The following MAP4 variants were observed in gnomAD, a reference collection of about 807,000 sequenced individuals.
The protein encoded by MAP4 is microtubule associated protein 4, also known as microtubule-associated protein 4.
A neutral mutation model predicts 170.2 loss-of-function variants in MAP4; 76 were observed. The observed-to-expected ratio is 0.45, with a 90% CI of 0.37 to 0.54. The LOEUF is 0.54. MAP4 is among the 20% of genes least tolerant of loss of function. The pLI, the probability that MAP4 is intolerant of heterozygous loss-of-function variation, is 0.00. For missense variants in MAP4, 2,506 were observed against 2,748.0 expected (o/e 0.91, Z 1.97); for synonymous variants, 909 against 994.5 (o/e 0.91, Z 1.62).
chr3:47,854,569 G>A (rs2051115625), intron 19 of MAP4, among the ~76,000 whole-genome samples: 1 of 152,236 alleles, frequency 6.6e-6, no homozygotes, highest in Non-Finnish European at 1.5e-5. Context: ...ACCCACGGAT[G>A]ACATGGAACA....
intron 1 of MAP4, among the ~76,000 whole-genome samples, chr3:48,002,943 C>T (rs576804641): frequency 6.9e-4 from 95 of 136,872 alleles, no homozygotes; most frequent in African/African-American, 2.4e-3. Flanking sequence ...TGGCTGTTAA[C>T]ATTAAGGCCA....
intron 3 of MAP4, among the ~76,000 whole-genome samples, chr3:47,947,789 C>A (rs1215108238): frequency 3.9e-5 from 5 of 129,188 alleles, no homozygotes; most frequent in Non-Finnish European, 1.6e-5. Context: ...CCAGCCTGGG[C>A]GACAGAGAGA....
chr3:47,983,468 C>A (rs2100086617), intron 2 of MAP4, among the ~76,000 whole-genome samples: 1 of 152,160 alleles, frequency 6.6e-6, no homozygotes, highest in African/African-American at 2.4e-5. Flanking sequence ...CTCACTGCAA[C>A]CTCTGCCTCC....
intron 3 of MAP4, chr3:47,961,131 C>T (rs1314070470): frequency 6.5e-6 from 1 of 152,922 alleles, no homozygotes; most frequent in East Asian, 1.9e-4. Context: ...ACTCCTCTTC[C>T]CTCAGAACTC....
intron 13 of MAP4, 118 bp from the exon 14 acceptor site, chr3:47,871,404 CTGTGT>C: frequency 4.7e-6 from 4 of 848,902 alleles, no homozygotes; most frequent in Non-Finnish European, 7.8e-6. Flanking sequence ...GAGCCAGGGA[CTGTGT>C]TAGTCCCTGG....
chr3:48,018,641 A>G (rs1392270369), upstream of MAP4, among the ~76,000 whole-genome samples: 1 of 151,870 alleles, frequency 6.6e-6, no homozygotes, highest in Non-Finnish European at 1.5e-5. Context: ...CCTCTCTACT[A>G]AAAATACAAA....
At chr3:47,999,598 A>G (rs2100098058) in intron 1 of MAP4, among the ~76,000 whole-genome samples, 1 of 152,226 alleles carries the variant, frequency 6.6e-6, no homozygotes, top group African/African-American at 2.4e-5. Context: ...AAACTGACGC[A>G]GGAACAGAAA....
rs191185268 is a variant in MAP4, at chr3:47,874,433, C to T, written c.5757+1252G>A. Among the ~76,000 whole-genome samples, 201 of 152,232 alleles carry T rather than the reference C, an allele frequency of 1.3e-3. 1 individual carries two copies. Among genetic ancestry groups the T allele is most frequent in the African/African-American group, 4.6e-3 (189 of 41,516 alleles). The stretch of plus-strand genomic sequence containing the variant: ...GCAATGAGCCCAGATTGTGCCACTG[C>T]ACTCCAGCCTGGGTGACAGAGCGAG... On this transcript the variant is annotated intron_variant, in intron 12 of 20. Coordinates refer to ENST00000683076, the MANE Select transcript of MAP4 (RefSeq NM_001385682.1).
chr3:48,054,324 A>C (rs911417357), intron 1 of MAP4, among the ~76,000 whole-genome samples: 1 of 149,010 alleles, frequency 6.7e-6, no homozygotes, highest in Non-Finnish European at 1.5e-5. Flanking sequence ...AAAAACAAAA[A>C]CAAAAAATCA....
intron 2 of MAP4, among the ~76,000 whole-genome samples, chr3:47,997,690 C>T (rs1387597676): frequency 6.6e-6 from 1 of 151,286 alleles, no homozygotes; most frequent in East Asian, 1.9e-4. Flanking sequence ...AATTGATAAA[C>T]CTCTACCTAG....
At chr3:48,040,263 A>ATTTTTATT (rs1037049054) in intron 1 of MAP4, among the ~76,000 whole-genome samples, 1 of 151,880 alleles carries the variant, frequency 6.6e-6, no homozygotes, top group Non-Finnish European at 1.5e-5. Context: ...CATATTATTT[A>ATTTTTATT]TTTTTATTTT....
intron 3 of MAP4, among the ~76,000 whole-genome samples, chr3:47,962,909 C>T (rs1395341377): frequency 1.3e-5 from 2 of 152,118 alleles, no homozygotes; most frequent in Non-Finnish European, 2.9e-5. Context: ...ATGAAGACCT[C>T]TAAGGAGTCT....
At chr3:47,886,061 TCTTA>T (rs1441949054) in intron 10 of MAP4, among the ~76,000 whole-genome samples, 1 of 152,178 alleles carries the variant, frequency 6.6e-6, no homozygotes, top group Non-Finnish European at 1.5e-5. Flanking sequence ...TCAAAGAAGA[TCTTA>T]CTTGTGTAAC....
intron 3 of MAP4, among the ~76,000 whole-genome samples, chr3:47,944,791 T>A (rs1365030399): frequency 6.6e-6 from 1 of 151,684 alleles, no homozygotes; most frequent in Non-Finnish European, 1.5e-5. Flanking sequence ...TATAGAAGAA[T>A]CTATGGATTA....
intron 1 of MAP4, among the ~76,000 whole-genome samples, chr3:48,069,216 T>C (rs910428010): frequency 2.0e-5 from 3 of 152,234 alleles, no homozygotes; most frequent in African/African-American, 7.2e-5. Context: ...ACAGGGAATG[T>C]AATTTCCATT....
rs2100036356 is a variant in MAP4 at position 47,912,322 on chromosome 3, G to T, written c.2099C>A (p.Pro700His). The T allele has an allele frequency of 6.5e-7, 1 of 1,536,046 alleles. No individual in the cohort carries two copies. The highest frequency in any genetic ancestry group is 8.7e-7 in the Non-Finnish European group (1 of 1,146,916). ...STRPKPARVP[P>H]ELLGGSPPWK... ...TGGAGGAGAGCCTCCCAGCAGCTCA[G>T]GAGGGACCCTGGCAGGCTTGGGCCG... The change falls in exon 9 of 21, where the codon CCT becomes CAT. Residue 700 changes from proline (P) to histidine (H), a missense_variant. By Grantham distance (77) the Pro-to-His change is moderately conservative. Around this residue, in one of 3 missense-constraint regions of MAP4, gnomAD observed 2,008 missense variants for 2,206.0 expected, o/e 0.91. Coordinates refer to ENST00000683076, the MANE Select transcript of MAP4 (RefSeq NM_001385682.1).
chr3:47,948,741 C>T (rs988265006), intron 3 of MAP4, among the ~76,000 whole-genome samples: 1 of 152,104 alleles, frequency 6.6e-6, no homozygotes, highest in Admixed American at 6.5e-5. Flanking sequence ...CTGCCTCAGC[C>T]TCCCTAGTAC....
chr3:47,930,992 T>C (rs1405980808), intron 3 of MAP4, among the ~76,000 whole-genome samples: 1 of 151,506 alleles, frequency 6.6e-6, no homozygotes, highest in Non-Finnish European at 1.5e-5. Flanking sequence ...AAATATATAA[T>C]GCGTAATATG....
chr3:48,088,236 C>A (rs1395797357), intron 1 of MAP4, among the ~76,000 whole-genome samples: 2 of 151,512 alleles, frequency 1.3e-5, no homozygotes, highest in African/African-American at 4.9e-5. Flanking sequence ...TTAGTCCCCA[C>A]ACAGTGTCGG....
Sources: gnomAD v4.1 joint callset for allele counts (sites outside exome capture counted in the v4.1 genomes callset) on GRCh38, gnomAD v4.1.1 for gene constraint, gnomAD v4.1.1 regional missense constraint, MANE v1.5 for transcripts, NCBI Gene and HGNC (gene_info 2026-07-23, HGNC 2026-07-21) for gene names.